Variants in TNRC6B observed in about 807,000 individuals in gnomAD.
TNRC6B encodes trinucleotide repeat-containing gene 6B protein.
Under a neutral mutation model 203.6 loss-of-function variants are expected in TNRC6B, and 52 were observed. The observed-to-expected ratio is 0.26, with a 90% confidence interval of 0.20 to 0.32. TNRC6B has a LOEUF of 0.32. Ranked by LOEUF, TNRC6B falls within the 10% of genes least tolerant of loss-of-function variation. The pLI is 1.00. For synonymous variants in TNRC6B, 838 were observed against 845.7 expected (o/e 0.99, Z 0.16); for missense variants, 1,923 against 2,286.2 (o/e 0.84, Z 3.24).
At chr22:40,137,460 A>G (rs1210607354) in intron 3 of TNRC6B, among the ~76,000 whole-genome samples, 1 of 152,204 alleles carries the variant, frequency 6.6e-6, no homozygotes, top group African/African-American at 2.4e-5. Context: ...TGGAAAAGTC[A>G]GTTTATAGAA....
Position 40,277,059 on chromosome 22 carries a change from C to T in TNRC6B, c.3142-18C>T, listed in dbSNP as rs372682847. ...AATAAATTATTTGGTTCTGAGGTTC[C>T]GTGTTTCATTTCTGTAGTGCTCACT... On this transcript the variant is annotated intron_variant, in intron 7 of 22. Transcript: ENST00000454349. 1.1e-5 allele frequency: 17 copies of T among 1,558,836 alleles called. No individual in the cohort carries two copies. Among genetic ancestry groups the T allele is most frequent in the African/African-American group, 8.3e-5 (6 of 72,664 alleles).
intron 2 of TNRC6B, among the ~76,000 whole-genome samples, chr22:40,119,384 G>C (rs2068422386): frequency 6.6e-6 from 1 of 152,218 alleles, no homozygotes. Flanking sequence ...AGGAGTTCCA[G>C]ACCAGCCTGG....
At chr22:40,068,607 C>T (rs553431566) in intron 1 of TNRC6B, among the ~76,000 whole-genome samples, 23 of 151,566 alleles carry the variant, frequency 1.5e-4, no homozygotes, top group Non-Finnish European at 2.5e-4. Flanking sequence ...CGTGAGCCAC[C>T]GCGCCTGGCC....
chr22:40,250,928 G>A (rs923126689), intron 2 of TNRC6B, among the ~76,000 whole-genome samples: 1 of 129,986 alleles, frequency 7.7e-6, no homozygotes, highest in African/African-American at 2.8e-5. Flanking sequence ...ATAATGAGTG[G>A]AATGCTTTTT....
At position 40,273,452 on chromosome 22, in the gene TNRC6B, G is replaced by A. The variant is rs367746852; in HGVS notation, c.2993G>A (p.Gly998Glu). Residue 998 changes from glycine to glutamate, a missense_variant, in exon 7 of 23, where the codon GGG becomes GAG. Physicochemically the swap from Gly to Glu is moderately conservative, Grantham distance 98 (BLOSUM62 -2). Around this residue, in one of 8 missense-constraint regions of TNRC6B, gnomAD observed 599 missense variants for 656.5 expected, o/e 0.91. Transcript: ENST00000454349. ...PNSKSMQDGW[G>E]ESDGPVTGAR... Reference sequence around the variant, plus strand: ...TCCAAATCTATGCAAGACGGCTGGGGGGAGAGTGACGGGCCAGTCACAGGA... The same window carrying A: ...TCCAAATCTATGCAAGACGGCTGGGAGGAGAGTGACGGGCCAGTCACAGGA... 1.4e-5 allele frequency: 23 copies of A among 1,610,366 alleles called. No individual in the cohort carries two copies. The highest frequency in any genetic ancestry group is 2.5e-6 in the Non-Finnish European group (3 of 1,178,330).
rs554211500 is a variant in TNRC6B, at chr22:40,143,687, A to G, written c.46-12428A>G. 1.3e-3 allele frequency among the ~76,000 whole-genome samples: 204 copies of G among 152,184 alleles called. 1 individual carries two copies. Among genetic ancestry groups the G allele is most frequent in the Middle Eastern group, 6.8e-3 (2 of 294 alleles). ...AATTTTTTGTATTTTTAGTAGAGACAGGGTTTCACCGTGTTAGCCAGGATG... is the reference window on the plus strand; with the variant it reads ...AATTTTTTGTATTTTTAGTAGAGACGGGGTTTCACCGTGTTAGCCAGGATG... On this transcript the variant is annotated intron_variant, in intron 3 of 23. Coordinates refer to the TNRC6B transcript ENST00000301923.
chr22:40,316,577 A>AATTGC (rs374385684), intron 21 of TNRC6B, among the ~76,000 whole-genome samples: 24 of 152,252 alleles, frequency 1.6e-4, no homozygotes, highest in African/African-American at 5.8e-4. Flanking sequence ...TTGAGCCCAG[A>AATTGC]ATTGCATTGC....
At chr22:40,114,197 GCAAAA>G (rs1310269726) in intron 1 of TNRC6B, among the ~76,000 whole-genome samples, 27 of 152,132 alleles carry the variant, frequency 1.8e-4, no homozygotes, top group Non-Finnish European at 7.4e-5. Context: ...TAAGATACCA[GCAAAA>G]TAAATATAGT....
chr22:40,179,683 T>TA (rs1481955847), intron 1 of TNRC6B, among the ~76,000 whole-genome samples: 3 of 152,156 alleles, frequency 2.0e-5, no homozygotes, highest in Non-Finnish European at 4.4e-5. Flanking sequence ...CTGAAAGTGT[T>TA]AAAAAAGATA....
At position 40,156,109 on chromosome 22, in the gene TNRC6B, T is replaced by G. The variant is rs1396568005; in HGVS notation, c.46-6T>G. ...TGCTGCTGACCTGTGGTGCTTGCCT[T>G]TGCAGGTGGAACAGGAGGATTTTGT... On this transcript the variant is annotated splice_region_variant and splice_polypyrimidine_tract_variant and intron_variant, in intron 3 of 23. Coordinates refer to the TNRC6B transcript ENST00000301923. The G allele has an allele frequency of 1.9e-6, 3 of 1,573,904 alleles. No homozygotes were observed. Among genetic ancestry groups the G allele is most frequent in the Non-Finnish European group, 2.6e-6 (3 of 1,159,142 alleles).
intron 15 of TNRC6B, among the ~76,000 whole-genome samples, chr22:40,305,555 C>G (rs1162739946): frequency 1.3e-5 from 2 of 152,212 alleles, no homozygotes; most frequent in Non-Finnish European, 2.9e-5. Context: ...GCATCAGACA[C>G]ATTCCATATC....
intron 1 of TNRC6B, among the ~76,000 whole-genome samples, chr22:40,062,946 T>C (rs1398007970): frequency 6.8e-6 from 1 of 147,808 alleles, no homozygotes; most frequent in Non-Finnish European, 1.5e-5. Context: ...CAGTTTATCT[T>C]TTTTTTTTCT....
chr22:40,139,533 T>C (rs1271104646), intron 3 of TNRC6B, among the ~76,000 whole-genome samples: 3 of 152,176 alleles, frequency 2.0e-5, no homozygotes, highest in Middle Eastern at 3.2e-3. Context: ...GGTTTCACCA[T>C]GTTGGCCAGG....
intron 5 of TNRC6B, among the ~76,000 whole-genome samples, chr22:40,268,045 G>A (rs2070505081): frequency 6.6e-6 from 1 of 152,126 alleles, no homozygotes; most frequent in South Asian, 2.1e-4. Context: ...AAATTAAGGG[G>A]GATGCACCTT....
chr22:40,121,797 A>C (rs867852678), intron 2 of TNRC6B, among the ~76,000 whole-genome samples: 1 of 152,256 alleles, frequency 6.6e-6, no homozygotes, highest in South Asian at 2.1e-4. Flanking sequence ...CCTTGTCTCT[A>C]TAGAAACAGC....
intron 3 of TNRC6B, among the ~76,000 whole-genome samples, chr22:40,144,353 CTG>C (rs1244918452): frequency 6.6e-6 from 1 of 152,158 alleles, no homozygotes; most frequent in Non-Finnish European, 1.5e-5. Context: ...TATAGTTTGT[CTG>C]TGCAGTGGAA....
Position 40,273,604 on chromosome 22 carries a change from G to A in TNRC6B, c.3141+4G>A, listed in dbSNP as rs2070595622. 8.9e-6 allele frequency: 14 copies of A among 1,566,152 alleles called. No individual in the cohort carries two copies. Among genetic ancestry groups the A allele is most frequent in the East Asian group, 2.4e-5 (1 of 42,304 alleles). ...AGGAGGAAAGAAACAAATGAAGGTA[G>A]CCTGCTTAGAAATGTTCGCACTTGC... On this transcript the variant is annotated splice_donor_region_variant and intron_variant, in intron 7 of 22. Transcript: ENST00000454349.
intron 12 of TNRC6B, among the ~76,000 whole-genome samples, chr22:40,294,137 C>T (rs937996240): frequency 1.3e-5 from 2 of 150,404 alleles, no homozygotes; most frequent in South Asian, 4.2e-4. Flanking sequence ...CCTGTAGTCT[C>T]AGTTATTTGG....
At chr22:40,306,149 C>G (rs1041112601) in intron 15 of TNRC6B, among the ~76,000 whole-genome samples, 1 of 151,924 alleles carries the variant, frequency 6.6e-6, no homozygotes, top group Non-Finnish European at 1.5e-5. Context: ...AAAAAATCAG[C>G]GAGTGTGGTG....
Sources: allele counts gnomAD v4.1 joint callset (sites outside exome capture counted in the v4.1 genomes callset), GRCh38; gene constraint gnomAD v4.1.1; regional missense constraint gnomAD v4.1.1; transcripts MANE v1.5; gene names NCBI Gene and HGNC (gene_info 2026-07-23, HGNC 2026-07-21).